Variants in PARN observed in about 807,000 individuals in gnomAD.
The protein encoded by PARN is poly(A)-specific ribonuclease PARN.
Under a neutral mutation model 102.8 loss-of-function variants are expected in PARN, and 71 were observed. The ratio of observed to expected loss-of-function variants is 0.69; its 90% CI spans 0.57 to 0.84. The LOEUF (loss-of-function observed/expected upper bound fraction) is 0.84, where lower values mean the gene tolerates loss of function less well. Ranked by LOEUF, PARN falls within the 40% of genes least tolerant of loss-of-function variation. PARN has a pLI of 0.00. For synonymous variants in PARN, 261 were observed against 252.9 expected, an observed-to-expected ratio of 1.03 and a Z score of -0.30; for missense variants, 782 against 760.9, an observed-to-expected ratio of 1.03 and a Z score of -0.33.
At chr16:14,529,590 T>A (rs1333306901) in intron 21 of PARN, among the ~76,000 whole-genome samples, 1 of 151,916 alleles carries the variant, frequency 6.6e-6, no homozygotes, top group Non-Finnish European at 1.5e-5. Flanking sequence ...GTCATCAGAG[T>A]CACATCCATC....
chr16:14,582,372 T>C, intron 16 of PARN, 81 bp from the exon 17 acceptor site: 1 of 886,428 alleles, frequency 1.1e-6, no homozygotes, highest in Non-Finnish European at 1.9e-6. Flanking sequence ...TGCATTAGCA[T>C]ATGCTAGAGA....
At chr16:14,449,068 T>C (rs1477321079) in intron 22 of PARN, among the ~76,000 whole-genome samples, 1 of 152,148 alleles carries the variant, frequency 6.6e-6, no homozygotes, top group Non-Finnish European at 1.5e-5. Context: ...GGTTCTTCTA[T>C]CACGAAAGGG....
chr16:14,610,309 C>T (rs1043726372), intron 7 of PARN, among the ~76,000 whole-genome samples: 3 of 151,804 alleles, frequency 2.0e-5, no homozygotes, highest in African/African-American at 7.3e-5. Context: ...CTCGTCTCTA[C>T]TAAAAATATA....
At chr16:14,592,997 G>T (rs552698722) in intron 13 of PARN, among the ~76,000 whole-genome samples, 4 of 152,152 alleles carry the variant, frequency 2.6e-5, no homozygotes, top group East Asian at 1.9e-4. Context: ...GTAGCTGGGC[G>T]TGGTGACGGG....
intron 21 of PARN, among the ~76,000 whole-genome samples, chr16:14,502,070 T>C (rs900859484): frequency 3.9e-5 from 6 of 152,182 alleles, no homozygotes; most frequent in Admixed American, 2.0e-4. Context: ...GTGTGTACAC[T>C]CTGGGGTAGA....
intron 22 of PARN, among the ~76,000 whole-genome samples, chr16:14,449,937 C>A (rs1247221054): frequency 6.6e-6 from 1 of 152,148 alleles, no homozygotes; most frequent in Non-Finnish European, 1.5e-5. Context: ...GTGGCAATAT[C>A]TAACAAAACT....
intron 21 of PARN, among the ~76,000 whole-genome samples, chr16:14,550,373 A>G (rs768001925): frequency 4.6e-5 from 7 of 152,206 alleles, no homozygotes; most frequent in Non-Finnish European, 1.0e-4. Context: ...ATCTGCTATT[A>G]AAGAACCACA....
At chr16:14,444,634 T>C (rs913160113) in intron 23 of PARN, among the ~76,000 whole-genome samples, 49 of 152,218 alleles carry the variant, frequency 3.2e-4, no homozygotes, top group Middle Eastern at 3.2e-3. Context: ...GAGACAGCTA[T>C]GAAGGACAGG....
At chr16:14,565,196 C>T (rs566265633) in intron 18 of PARN, 1 of 152,292 alleles carries the variant, frequency 6.6e-6, no homozygotes, top group East Asian at 1.9e-4. Flanking sequence ...AAAATAAGCT[C>T]ATTTATTTTG....
At chr16:14,558,754 A>G (rs935081180) in intron 18 of PARN, among the ~76,000 whole-genome samples, 3 of 152,240 alleles carry the variant, frequency 2.0e-5, no homozygotes, top group African/African-American at 7.2e-5. Flanking sequence ...ACAAAATTTT[A>G]TACTATGATT....
chr16:14,581,065 T>C (rs1969504981), intron 17 of PARN, 122 bp from the exon 18 acceptor site: 1 of 584,252 alleles, frequency 1.7e-6, no homozygotes. Context: ...TATTCTTTTT[T>C]TTTTGAGTCA....
chr16:14,542,093 C>T (rs1392765262), intron 21 of PARN, among the ~76,000 whole-genome samples: 1 of 152,054 alleles, frequency 6.6e-6, no homozygotes, highest in Non-Finnish European at 1.5e-5. Context: ...CAACCTTGAC[C>T]TCCTGAGCTC....
chr16:14,447,077 T>C lies in PARN; in HGVS notation c.1675A>G (p.Thr559Ala). ...QNHYYRNNSF[T>A]APSTVGKRNL... is the part of the protein sequence containing the mutation. The stretch of plus-strand genomic sequence containing the variant: ...CTCTTTCCTACTGTGCTGGGAGCTG[T>C]AAAACTGAAATGCAAAAAGTGGAAC... The change falls in exon 23 of 24, where the codon ACA becomes GCA. Residue 559 changes from threonine to alanine, a missense_variant. Coordinates refer to ENST00000437198, the MANE Select transcript of PARN (RefSeq NM_002582.4). 1 of 1,609,714 alleles carries C rather than the reference T, an allele frequency of 6.2e-7. No homozygotes were observed. Among genetic ancestry groups the C allele is most frequent in the African/African-American group, 1.3e-5 (1 of 74,796 alleles).
chr16:14,562,649 T>TAA (rs1219940185), intron 18 of PARN, among the ~76,000 whole-genome samples: 11 of 139,180 alleles, frequency 7.9e-5, no homozygotes, highest in Non-Finnish European at 1.6e-4. Context: ...TAAGTAGATT[T>TAA]AAAAAAAAAA....
intron 12 of PARN, among the ~76,000 whole-genome samples, chr16:14,594,275 T>C (rs1970376486): frequency 6.6e-6 from 1 of 152,232 alleles, no homozygotes; most frequent in Non-Finnish European, 1.5e-5. Flanking sequence ...ATACAATATA[T>C]GTGCTGGCAG....
chr16:14,541,229 A>C (rs1966836629), intron 21 of PARN, among the ~76,000 whole-genome samples: 1 of 151,918 alleles, frequency 6.6e-6, no homozygotes. Flanking sequence ...CTTATGGAAG[A>C]AGCTTAGGGG....
intron 10 of PARN, among the ~76,000 whole-genome samples, chr16:14,605,709 T>C (rs1028812034): frequency 7.9e-5 from 12 of 152,080 alleles, no homozygotes; most frequent in African/African-American, 1.2e-4. Flanking sequence ...AATTATAAAA[T>C]TGAAAAACTG....
chr16:14,545,531 A>G (rs891115749), intron 21 of PARN, among the ~76,000 whole-genome samples: 2 of 152,242 alleles, frequency 1.3e-5, no homozygotes, highest in African/African-American at 4.8e-5. Context: ...CAGTACTTAG[A>G]GGATAATTTA....
At chr16:14,562,648 T>TC (rs1968146107) in intron 18 of PARN, among the ~76,000 whole-genome samples, 2 of 150,418 alleles carry the variant, frequency 1.3e-5, no homozygotes, top group African/African-American at 4.9e-5. Context: ...TTAAGTAGAT[T>TC]TAAAAAAAAA....
Sources: allele counts gnomAD v4.1 joint callset (sites outside exome capture counted in the v4.1 genomes callset), GRCh38; gene constraint gnomAD v4.1.1; transcripts MANE v1.5; gene names NCBI Gene and HGNC (gene_info 2026-07-23, HGNC 2026-07-21).